GRM5: variants seen among roughly 807,000 people sequenced by gnomAD.
The protein encoded by GRM5 is glutamate metabotropic receptor 5.
Under a neutral mutation model 83.1 loss-of-function variants are expected in GRM5, and 19 were observed. The ratio of observed to expected loss-of-function variants is 0.23; its 90% CI spans 0.16 to 0.34. The LOEUF is 0.34. GRM5 is among the 10% of genes least tolerant of loss of function. The pLI is 1.00. For synonymous variants in GRM5, 675 were observed against 633.6 expected (o/e 1.07, Z -0.98); for missense variants, 1,160 against 1,588.3 (o/e 0.73, Z 4.58).
At chr11:89,006,861 A>G (rs1940543027) in intron 2 of GRM5, among the ~76,000 whole-genome samples, 1 of 152,102 alleles carries the variant, frequency 6.6e-6, no homozygotes, top group South Asian at 2.1e-4. Context: ...GCAGTGGCGC[A>G]ATCTCGGCTC....
Position 88,509,149 on chromosome 11 carries a change from G to C in GRM5, c.3082C>G (p.Arg1028Gly), listed in dbSNP as rs760970912. 1.3e-6 allele frequency: 2 copies of C among 1,539,728 alleles called. No homozygotes were observed. Among genetic ancestry groups the C allele is most frequent in the South Asian group, 1.2e-5 (1 of 83,590 alleles). ...TCCGTGCGGCTGGCCGAGCCCGCGC[G>C]GTGGCTCAGCGTGCTGATGGGCGAC... ...SPSPISTLSH[R>G]AGSASRTDDD... is the part of the protein sequence containing the mutation. The change falls in exon 10 of 10, where the codon CGC (arginine) becomes GGC (glycine). Residue 1028 changes from arginine to glycine, a missense_variant. By Grantham distance (125) the Arg-to-Gly change is moderately radical (BLOSUM62 -2). Coordinates refer to ENST00000305447, the MANE Select transcript of GRM5 (RefSeq NM_001143831.3).
chr11:88,768,147 T>C (rs1298472780), intron 3 of GRM5, among the ~76,000 whole-genome samples: 1 of 151,992 alleles, frequency 6.6e-6, no homozygotes, highest in Non-Finnish European at 1.5e-5. Context: ...TACACCCATG[T>C]TCAAAGTGTA....
intron 3 of GRM5, among the ~76,000 whole-genome samples, chr11:88,698,544 A>G (rs1940954455): frequency 6.6e-6 from 1 of 152,198 alleles, no homozygotes; most frequent in Admixed American, 6.6e-5. Context: ...GCTCAAGAAG[A>G]GAGTAGTTAT....
At chr11:88,818,107 A>G (rs1033595115) in intron 3 of GRM5, among the ~76,000 whole-genome samples, 2 of 152,102 alleles carry the variant, frequency 1.3e-5, no homozygotes, top group Non-Finnish European at 2.9e-5. Flanking sequence ...AACATAAAAA[A>G]CTATAAATCT....
In GRM5 at chr11:88,798,817, A is replaced by AC. The variant is rs1565236168; in HGVS notation, c.911+51088_911+51089insG. On this transcript the variant is annotated intron_variant, in intron 3 of 9. Transcript: ENST00000305447. ...CTAATGAAAACACCAAAAAAAAAAA[A>AC]AAAAAAAAAACAACAACAACAACAA... Among the ~76,000 whole-genome samples, 11 of 143,214 alleles carry AC rather than the reference A, an allele frequency of 7.7e-5. No individual in the cohort carries two copies. In the East Asian group the frequency reaches 2.1e-3, roughly 27 times the overall value. 94.0% of individuals were successfully genotyped at this position (143,214 alleles called of 152,430 possible). A position where few individuals can be genotyped will look rare whatever the true frequency, so the allele number is the denominator to read the frequency against.
intron 4 of GRM5, among the ~76,000 whole-genome samples, chr11:88,628,824 G>C (rs1167640493): frequency 6.6e-6 from 1 of 152,142 alleles, no homozygotes; most frequent in Non-Finnish European, 1.5e-5. Context: ...AAGTGCTCCT[G>C]AGTCTTTTAA....
intron 2 of GRM5, among the ~76,000 whole-genome samples, chr11:88,961,799 G>T (rs1183897342): frequency 6.6e-6 from 1 of 152,100 alleles, no homozygotes; most frequent in East Asian, 1.9e-4. Flanking sequence ...TCTACCCAGA[G>T]TTACTAGGAG....
intron 2 of GRM5, among the ~76,000 whole-genome samples, chr11:88,962,807 C>T (rs745478235): frequency 2.0e-5 from 3 of 152,116 alleles, no homozygotes; most frequent in Non-Finnish European, 4.4e-5. Flanking sequence ...TAAAAACTTA[C>T]CATCCCAGCA....
chr11:88,987,617 A>G (rs1939773654), intron 2 of GRM5, among the ~76,000 whole-genome samples: 1 of 152,090 alleles, frequency 6.6e-6, no homozygotes, highest in East Asian at 1.9e-4. Flanking sequence ...CTTGTCTGAC[A>G]GCTTTGAAGA....
At chr11:88,807,643 A>G (rs1193146453) in intron 3 of GRM5, among the ~76,000 whole-genome samples, 1 of 152,082 alleles carries the variant, frequency 6.6e-6, no homozygotes, top group Non-Finnish European at 1.5e-5. Context: ...ACAAGTTATC[A>G]TTGGTAATCA....
intron 3 of GRM5, among the ~76,000 whole-genome samples, chr11:88,654,389 C>T (rs1939714619): frequency 6.6e-6 from 1 of 152,062 alleles, no homozygotes; most frequent in Non-Finnish European, 1.5e-5. Context: ...AGTGACTTGT[C>T]CCTCTTCACT....
intron 8 of GRM5, among the ~76,000 whole-genome samples, chr11:88,562,186 C>T (rs1443427387): frequency 6.6e-6 from 1 of 152,174 alleles, no homozygotes; most frequent in East Asian, 1.9e-4. Context: ...TAGGTTTCTA[C>T]AGTGCAAGAC....
intron 4 of GRM5, among the ~76,000 whole-genome samples, chr11:88,648,627 C>T (rs1939534048): frequency 8.8e-6 from 1 of 113,098 alleles, no homozygotes; most frequent in African/African-American, 3.1e-5. Flanking sequence ...ACAATGTGCA[C>T]ATGTACCCTA....
intron 3 of GRM5, among the ~76,000 whole-genome samples, chr11:88,839,030 T>C (rs1590900629): frequency 6.6e-6 from 1 of 152,282 alleles, no homozygotes; most frequent in East Asian, 1.9e-4. Flanking sequence ...TCTGTTCTAG[T>C]TCTGTAGTAC....
intron 7 of GRM5, among the ~76,000 whole-genome samples, chr11:88,582,210 C>A (rs1943225464): frequency 6.6e-6 from 1 of 152,212 alleles, no homozygotes; most frequent in Non-Finnish European, 1.5e-5. Context: ...GGGGCTCGAT[C>A]ACCATTGTGT....
At chr11:88,949,669 G>T (rs1173777627) in intron 2 of GRM5, among the ~76,000 whole-genome samples, 1 of 152,000 alleles carries the variant, frequency 6.6e-6, no homozygotes, top group East Asian at 1.9e-4. Flanking sequence ...AAAGCAAAAC[G>T]TAAGGAAATC....
intron 7 of GRM5, among the ~76,000 whole-genome samples, chr11:88,572,314 G>T (rs1303997957): frequency 6.6e-6 from 1 of 151,950 alleles, no homozygotes; most frequent in Non-Finnish European, 1.5e-5. Flanking sequence ...AATGAGAGAG[G>T]GAGAGAATAT....
intron 2 of GRM5, among the ~76,000 whole-genome samples, chr11:88,902,947 T>C (rs913787192): frequency 2.6e-4 from 15 of 58,268 alleles, no homozygotes; most frequent in African/African-American, 1.8e-3. Context: ...CAAGACTCCA[T>C]CTCAAAAAAA....
chr11:88,632,807 G>C (rs78901319), intron 4 of GRM5, among the ~76,000 whole-genome samples: 5 of 152,090 alleles, frequency 3.3e-5, no homozygotes. Context: ...TCAACAGTAC[G>C]TGAGAATATT....
Sources: gnomAD v4.1 joint callset for allele counts (sites outside exome capture counted in the v4.1 genomes callset) on GRCh38, gnomAD v4.1.1 for gene constraint, MANE v1.5 for transcripts, NCBI Gene and HGNC (gene_info 2026-07-23, HGNC 2026-07-21) for gene names.